ATIC: variants seen among roughly 807,000 people sequenced by gnomAD.
The protein encoded by ATIC is 5-aminoimidazole-4-carboxamide ribonucleotide formyltransferase/IMP cyclohydrolase.
Under a neutral mutation model 72.5 loss-of-function variants are expected in ATIC, and 64 were observed. The ratio of observed to expected loss-of-function variants is 0.88; its 90% CI spans 0.72 to 1.09. The LOEUF is 1.09. Among genes scored for constraint, ATIC ranks in the 50% least tolerant of loss-of-function variants. The pLI, the probability that ATIC is intolerant of heterozygous loss-of-function variation, is 0.00. For missense variants in ATIC, 787 were observed against 732.4 expected (o/e 1.07, Z -0.86); for synonymous variants, 281 against 267.1 (o/e 1.05, Z -0.51).
chr2:215,359,106 ACTCCCGAGCTCAAGCAACC>A, the ATIC span, among the ~76,000 whole-genome samples: 2 of 151,718 alleles, frequency 1.3e-5, no homozygotes, highest in African/African-American at 4.8e-5. Flanking sequence ...CTGGCCTTGA[ACTCCCGAGCTCAAGCAACC>A]CTCCCACCTC....
chr2:215,335,712 A>C (rs1187876377), intron 10 of ATIC, among the ~76,000 whole-genome samples: 1 of 152,260 alleles, frequency 6.6e-6, no homozygotes, highest in Non-Finnish European at 1.5e-5. Context: ...AGTCAGGACT[A>C]GAATGTGCTC....
intron 12 of ATIC, among the ~76,000 whole-genome samples, chr2:215,339,620 T>C (rs2052995735): frequency 1.3e-5 from 2 of 152,116 alleles, no homozygotes; most frequent in Admixed American, 6.6e-5. Flanking sequence ...TTTACCCTGA[T>C]TGATTGATTT....
chr2:215,368,324 T>C, the ATIC span, among the ~76,000 whole-genome samples: 10 of 152,198 alleles, frequency 6.6e-5, no homozygotes, highest in South Asian at 4.1e-4. Context: ...CTTGAGGCAA[T>C]TGAAGCTAGT....
the ATIC span, chr2:215,365,480 C>G: frequency 3.1e-6 from 5 of 1,612,738 alleles, no homozygotes; most frequent in East Asian, 1.1e-4. Flanking sequence ...TAATAAGGCA[C>G]TAAAAATGAT....
chr2:215,354,583 G>A (rs1471365911), downstream of ATIC, among the ~76,000 whole-genome samples: 1 of 151,932 alleles, frequency 6.6e-6, no homozygotes, highest in Non-Finnish European at 1.5e-5. Context: ...CCCTCCAGGA[G>A]ATTTCTTTAG....
chr2:215,365,051 G>A, the ATIC span: 14 of 1,052,818 alleles, frequency 1.3e-5, no homozygotes, highest in Admixed American at 7.9e-5. Flanking sequence ...TGATCTAGGG[G>A]TGGGTTCTAT....
the ATIC span, chr2:215,364,607 G>A: frequency 1.9e-6 from 1 of 535,716 alleles, no homozygotes; most frequent in East Asian, 3.3e-5. Flanking sequence ...GACAGGTGTT[G>A]CTATTAAGAA....
At chr2:215,339,496 A>G (rs2052994134) in intron 12 of ATIC, among the ~76,000 whole-genome samples, 1 of 152,196 alleles carries the variant, frequency 6.6e-6, no homozygotes, top group Non-Finnish European at 1.5e-5. Context: ...TCTCTGGGTG[A>G]CAGAACAAGA....
At chr2:215,327,488 C>T (rs983014536) in intron 7 of ATIC, among the ~76,000 whole-genome samples, 4 of 152,128 alleles carry the variant, frequency 2.6e-5, no homozygotes, top group Admixed American at 2.0e-4. Flanking sequence ...GAACTAACAA[C>T]GATAAAGAGG....
At chr2:215,312,694 C>G (rs2052667363) in intron 2 of ATIC, 70 bp downstream of exon 2, 2 of 1,609,880 alleles carry the variant, frequency 1.2e-6, no homozygotes, top group Admixed American at 3.4e-5. Flanking sequence ...ATTCCAGGCA[C>G]CAGCAGCAAA....
chr2:215,322,946 T>C, intron 4 of ATIC, among the ~76,000 whole-genome samples: 1 of 152,034 alleles, frequency 6.6e-6, no homozygotes, highest in Non-Finnish European at 1.5e-5. Flanking sequence ...TTGTTTGTTT[T>C]GTTTTGTTTT....
At position 215,319,621 on chromosome 2, in the gene ATIC, T is replaced by G. The variant is rs954205976; in HGVS notation, c.224-44T>G. The G allele has an allele frequency of 2.9e-6, 4 of 1,368,096 alleles. No individual in the cohort carries two copies. The African/African-American group carries it at 5.7e-5, about 20-fold the overall frequency. The allele number at this position is 1,368,096 out of a possible 1,614,324, so 84.7% of individuals were successfully genotyped here. A position where few individuals can be genotyped will look rare whatever the true frequency, so the allele number is the denominator to read the frequency against. ...GTTGAAAGACATTCCTTAATCTGAC[T>G]TGTTTTTTGAAGCTAATGACTTTGT... is the stretch of plus-strand genomic sequence containing the variant. On this transcript the variant is annotated intron_variant, in intron 3 of 15. Transcript: ENST00000236959.
chr2:215,316,174 C>G (rs2052706357), intron 2 of ATIC, among the ~76,000 whole-genome samples: 1 of 152,110 alleles, frequency 6.6e-6, no homozygotes, highest in Non-Finnish European at 1.5e-5. Context: ...GAGTAGCAAG[C>G]TTTTTAATTA....
chr2:215,356,859 G>A, the ATIC span, among the ~76,000 whole-genome samples: 4 of 152,148 alleles, frequency 2.6e-5, no homozygotes, highest in African/African-American at 4.8e-5. Context: ...GGTTGTTTCC[G>A]TGTTTGGCTA....
chr2:215,356,147 G>T, the ATIC span, among the ~76,000 whole-genome samples: 35,803 of 152,144 alleles, frequency 0.24, 5,076 homozygotes, highest in South Asian at 0.44. Flanking sequence ...AAGAGCAAAT[G>T]AGACAAAATA....
intron 4 of ATIC, among the ~76,000 whole-genome samples, chr2:215,323,991 A>T (rs184820242): frequency 6.6e-6 from 1 of 151,844 alleles, no homozygotes; most frequent in Non-Finnish European, 1.5e-5. Flanking sequence ...TGAACTTCCA[A>T]CCTCAGTTGA....
chr2:215,329,371 T>C (rs2052865184), intron 7 of ATIC, among the ~76,000 whole-genome samples: 1 of 152,230 alleles, frequency 6.6e-6, no homozygotes, highest in Admixed American at 6.5e-5. Flanking sequence ...GTTTAAAGTA[T>C]TATTTGTGGT....
the ATIC span, among the ~76,000 whole-genome samples, chr2:215,366,483 A>G: frequency 4.6e-5 from 7 of 152,318 alleles, no homozygotes; most frequent in South Asian, 1.5e-3. Flanking sequence ...AAGCAAACAA[A>G]ATGCTAAATC....
rs780532278 is a variant in ATIC, at chr2:215,319,701, A to G, written c.260A>G (p.Asp87Gly). ...CGTAATATTCCAGAAGATAATGCTG[A>G]CATGGCCAGACTTGATTTCAATCTT... The part of the protein sequence containing the change: ...LARNIPEDNA[D>G]MARLDFNLIR... The change falls in exon 4 of 16, where the codon GAC becomes GGC. Residue 87 changes from aspartate to glycine, a missense_variant. By Grantham distance (94) the Asp-to-Gly change is moderately conservative. Transcript: ENST00000236959. The G allele has an allele frequency of 9.3e-6, 15 of 1,612,332 alleles. No homozygotes were observed. Among genetic ancestry groups the G allele is most frequent in the East Asian group, 2.2e-5 (1 of 44,872 alleles).
Sources: gnomAD v4.1 joint callset for allele counts (sites outside exome capture counted in the v4.1 genomes callset) on GRCh38, gnomAD v4.1.1 for gene constraint, MANE v1.5 for transcripts, NCBI Gene and HGNC (gene_info 2026-07-23, HGNC 2026-07-21) for gene names.